DAB1: variants seen among roughly 807,000 people sequenced by gnomAD.
The protein encoded by DAB1 is disabled homolog 1.
A neutral mutation model predicts 64.6 loss-of-function variants in DAB1; 15 were observed. That is an observed-to-expected ratio of 0.23 (90% CI 0.16 to 0.36). DAB1 has a LOEUF of 0.36. Among genes scored for constraint, DAB1 ranks in the 10% least tolerant of loss-of-function variants. DAB1 has a pLI of 1.00. For missense variants in DAB1, 596 were observed against 706.7 expected (o/e 0.84, Z 1.78); for synonymous variants, 235 against 251.9 (o/e 0.93, Z 0.64).
chr1:58,300,633 AGAGAGAGAGAGAGAGGAAGGAAGGAAGG>A lies in DAB1; in HGVS notation n.309+42691_309+42718del, dbSNP rs1557726190. ...GAAAGAGAGAGAGAGAGAGAGAGAG[AGAGAGAGAGAGAGAGGAAGGAAGGAAGG>A]AAGGAAGGAAGGAAGGAAGGAAGGA... On this transcript the variant is annotated intron_variant and non_coding_transcript_variant, in intron 4 of 20. Coordinates refer to the DAB1 transcript ENST00000485760. Among the ~76,000 whole-genome samples the A allele has an allele frequency of 2.6e-4, 17 of 64,382 alleles. 1 individual carries two copies. Among genetic ancestry groups the A allele is most frequent in the African/African-American group, 6.2e-4 (13 of 20,886 alleles). 42.2% of individuals were successfully genotyped at this position (64,382 alleles called of 152,430 possible).
At chr1:58,038,108 T>C (rs1647075107) in intron 5 of DAB1, among the ~76,000 whole-genome samples, 1 of 152,168 alleles carries the variant, frequency 6.6e-6, no homozygotes, top group African/African-American at 2.4e-5. Flanking sequence ...TATTTTAAAA[T>C]GAATATATGG....
intron 4 of DAB1, among the ~76,000 whole-genome samples, chr1:58,180,389 C>G (rs191672233): frequency 2.1e-4 from 29 of 136,492 alleles, no homozygotes; most frequent in Non-Finnish European, 3.6e-4. Context: ...ACCTCCTGGG[C>G]TTAAGTGATC....
In DAB1 at chr1:58,074,564, G is replaced by GTATATATATATATATATA. The variant is rs375821412; in HGVS notation, n.387+75929_387+75946dup. Reference sequence around the variant, plus strand: ...TATATACACACATATATATATGTGTGTATATATATATATATATATATATAT... The same window carrying GTATATATATATATATATA: ...TATATACACACATATATATATGTGTGTATATATATATATATATATATATATATATATATATATATATAT... On this transcript the variant is annotated intron_variant and non_coding_transcript_variant, in intron 5 of 20. Coordinates refer to the DAB1 transcript ENST00000485760. The GTATATATATATATATATA allele has an allele frequency of 2.4e-3, 222 of 91,606 alleles. 1 individual carries two copies. The highest frequency in any genetic ancestry group is 9.1e-3 in the African/African-American group (209 of 22,932). The allele number at this position is 91,606 out of a possible 1,614,324, so 5.7% of individuals were successfully genotyped here.
At chr1:58,288,859 T>G (rs2100447798) in intron 4 of DAB1, among the ~76,000 whole-genome samples, 1 of 152,300 alleles carries the variant, frequency 6.6e-6, no homozygotes, top group South Asian at 2.1e-4. Context: ...GGGGAAATCT[T>G]TATGTGTGCT....
chr1:57,967,032 T>G (rs1053695945), intron 5 of DAB1, among the ~76,000 whole-genome samples: 1 of 152,212 alleles, frequency 6.6e-6, no homozygotes, highest in Non-Finnish European at 1.5e-5. Context: ...TTTAAATGAA[T>G]GAAGGTGCAC....
At chr1:57,070,776 G>T in intron 7 of DAB1, 1 of 516,846 alleles carries the variant, frequency 1.9e-6, no homozygotes, top group Non-Finnish European at 3.6e-6. Context: ...GACTGTGAAG[G>T]GGGCCGAGGC....
At chr1:57,914,146 G>A (rs1465998023) in intron 5 of DAB1, among the ~76,000 whole-genome samples, 3 of 152,114 alleles carry the variant, frequency 2.0e-5, no homozygotes, top group Non-Finnish European at 2.9e-5. Context: ...ACATGCACAC[G>A]TATGTTTATT....
chr1:57,674,950 C>T (rs981641345), intron 6 of DAB1, among the ~76,000 whole-genome samples: 1 of 152,192 alleles, frequency 6.6e-6, no homozygotes, highest in African/African-American at 2.4e-5. Flanking sequence ...TGGTTTGAAG[C>T]CCTGTTAGTA....
chr1:57,565,487 T>C (rs1196320514), intron 7 of DAB1, among the ~76,000 whole-genome samples: 3 of 152,050 alleles, frequency 2.0e-5, no homozygotes, highest in African/African-American at 7.2e-5. Context: ...GCAAATTGGA[T>C]AAAGAGTCAA....
At chr1:57,407,931 T>G (rs1683786501) in intron 1 of DAB1, among the ~76,000 whole-genome samples, 1 of 152,220 alleles carries the variant, frequency 6.6e-6, no homozygotes, top group African/African-American at 2.4e-5. Context: ...AAATGTTTGA[T>G]GAGACCAAAG....
At chr1:57,620,258 G>A (rs1645840216) in intron 7 of DAB1, among the ~76,000 whole-genome samples, 1 of 152,034 alleles carries the variant, frequency 6.6e-6, no homozygotes, top group South Asian at 2.1e-4. Flanking sequence ...TTTCACACAA[G>A]GCCAAGCAGA....
intron 2 of DAB1, among the ~76,000 whole-genome samples, chr1:57,188,871 T>C (rs1359601281): frequency 2.0e-5 from 3 of 152,206 alleles, no homozygotes; most frequent in Non-Finnish European, 4.4e-5. Context: ...GTTACTAAAA[T>C]AGATCATCTT....
chr1:57,713,881 A>G (rs1239221461), intron 6 of DAB1, among the ~76,000 whole-genome samples: 1 of 151,786 alleles, frequency 6.6e-6, no homozygotes, highest in Non-Finnish European at 1.5e-5. Context: ...ACTACATTAC[A>G]TAACTGACAG....
chr1:57,884,739 T>C (rs1347647541), upstream of DAB1, among the ~76,000 whole-genome samples: 4 of 152,236 alleles, frequency 2.6e-5, no homozygotes, highest in Non-Finnish European at 5.9e-5. Flanking sequence ...TACCCAGTGT[T>C]GGAGGTGAGG....
chr1:58,131,838 G>A (rs1428653506), intron 5 of DAB1, among the ~76,000 whole-genome samples: 4 of 149,954 alleles, frequency 2.7e-5, no homozygotes, highest in Admixed American at 1.3e-4. Context: ...GCTGCTTGCT[G>A]GGAGAACCAC....
At chr1:58,073,623 G>C (rs921773725) in intron 5 of DAB1, among the ~76,000 whole-genome samples, 1 of 152,186 alleles carries the variant, frequency 6.6e-6, no homozygotes, top group Non-Finnish European at 1.5e-5. Context: ...ATGCATTAAT[G>C]GTTGCAGCCC....
At chr1:57,322,487 G>A (rs1256306046) in intron 1 of DAB1, among the ~76,000 whole-genome samples, 1 of 152,042 alleles carries the variant, frequency 6.6e-6, no homozygotes, top group Non-Finnish European at 1.5e-5. Context: ...GACTTACCCC[G>A]TAGACTTTGA....
intron 1 of DAB1, among the ~76,000 whole-genome samples, chr1:57,353,346 G>C (rs1021904992): frequency 3.9e-5 from 6 of 151,994 alleles, no homozygotes; most frequent in African/African-American, 1.4e-4. Context: ...GGAGGATATG[G>C]CTGTTCCGTC....
intron 6 of DAB1, among the ~76,000 whole-genome samples, chr1:57,717,213 G>C (rs991305318): frequency 5.9e-5 from 9 of 151,390 alleles, no homozygotes; most frequent in African/African-American, 2.2e-4. Flanking sequence ...CTCCAGCCTG[G>C]GCGACAGAGC....
Sources: gnomAD v4.1 joint callset for allele counts (sites outside exome capture counted in the v4.1 genomes callset) on GRCh38, gnomAD v4.1.1 for gene constraint, MANE v1.5 for transcripts, NCBI Gene and HGNC (gene_info 2026-07-23, HGNC 2026-07-21) for gene names.